The following SGCG variants were observed in gnomAD, a reference collection of about 807,000 sequenced individuals.
The protein encoded by SGCG is sarcoglycan gamma, also known as gamma-sarcoglycan.
Under a neutral mutation model 29.3 loss-of-function variants are expected in SGCG, and 26 were observed. The ratio of observed to expected loss-of-function variants is 0.89; its 90% CI spans 0.65 to 1.23. The LOEUF (loss-of-function observed/expected upper bound fraction) is 1.23, where lower values mean the gene tolerates loss of function less well. Ranked by LOEUF, SGCG falls within the 50% of genes most tolerant of loss-of-function variation. The probability of loss-of-function intolerance (pLI) is 0.00; values close to 1 mark genes in which losing one functional copy is unlikely to be tolerated. For synonymous variants in SGCG, 145 were observed against 129.7 expected, an observed-to-expected ratio of 1.12 and a Z score of -0.80; for missense variants, 353 against 356.0, an observed-to-expected ratio of 0.99 and a Z score of 0.07.
chr13:23,188,905 C>T (rs1027458331), intron 1 of SGCG, among the ~76,000 whole-genome samples: 1 of 152,186 alleles, frequency 6.6e-6, no homozygotes, highest in African/African-American at 2.4e-5. Context: ...CCCGGCACAG[C>T]AGCTGTGCAG....
intron 1 of SGCG, among the ~76,000 whole-genome samples, chr13:23,201,907 A>G (rs780605251): frequency 6.6e-6 from 1 of 152,134 alleles, no homozygotes; most frequent in Non-Finnish European, 1.5e-5. Context: ...TGGAGCCATT[A>G]TTTCAAATGA....
chr13:23,291,063 A>G (rs752014334), intron 5 of SGCG, among the ~76,000 whole-genome samples: 5 of 152,220 alleles, frequency 3.3e-5, no homozygotes, highest in Non-Finnish European at 7.3e-5. Context: ...AGGATCCAGA[A>G]GGGAAGAATG....
intron 1 of SGCG, among the ~76,000 whole-genome samples, chr13:23,188,476 C>A (rs938946612): frequency 7.5e-6 from 1 of 133,302 alleles, no homozygotes; most frequent in Non-Finnish European, 1.6e-5. Context: ...CAGGCGCCTG[C>A]CTAATTTTTT....
At position 23,203,889 on chromosome 13, in the gene SGCG, A is replaced by G; in HGVS notation, c.195A>G (p.Pro65=). The G allele has an allele frequency of 1.3e-6, 2 of 1,593,088 alleles. No individual in the cohort carries two copies. Among genetic ancestry groups the G allele is most frequent in the Non-Finnish European group, 1.7e-6 (2 of 1,160,926 alleles). ...IWILKVMWFS[P]AGMGHLCVTK... is the part of the protein sequence containing the mutation. ...TTCTTAAAGTGATGTGGTTTTCTCCAGTAAGTATCATTATTTTCTGGTAAG... is the reference window on the plus strand; with the variant it reads ...TTCTTAAAGTGATGTGGTTTTCTCCGGTAAGTATCATTATTTTCTGGTAAG... The change falls in exon 2 of 8, where the codon CCA becomes CCG. Residue 65 remains proline (P), a splice_region_variant and synonymous_variant. Transcript: ENST00000218867.
chr13:23,254,484 A>G lies in SGCG; in HGVS notation c.385+3767A>G, dbSNP rs571525033. 4.6e-5 allele frequency among the ~76,000 whole-genome samples: 7 copies of G among 152,266 alleles called. No individual in the cohort carries two copies. In the South Asian group the frequency reaches 1.2e-3, roughly 27 times the overall value. The stretch of plus-strand genomic sequence containing the variant: ...GCAGTCTGGCTGCTTCTAATAACCT[A>G]CAATCAGATATAAGAGCAAAAAAAA... On this transcript the variant is annotated intron_variant, in intron 4 of 7. Coordinates refer to ENST00000218867, the MANE Select transcript of SGCG (RefSeq NM_000231.3).
At chr13:23,225,780 T>TACACACATACACAC (rs1878870099) in intron 2 of SGCG, among the ~76,000 whole-genome samples, 1 of 148,546 alleles carries the variant, frequency 6.7e-6, no homozygotes, top group Admixed American at 6.7e-5. Flanking sequence ...GGACATGTCA[T>TACACACATACACAC]ACACACACAC....
intron 4 of SGCG, among the ~76,000 whole-genome samples, chr13:23,272,596 T>A (rs4770422): frequency 0.085 from 12,934 of 152,224 alleles, 722 homozygotes; most frequent in South Asian, 0.15. Flanking sequence ...TACTAGCTTA[T>A]AGTATTTTTT....
chr13:23,297,235 T>TTATTTA (rs5802227), intron 6 of SGCG, among the ~76,000 whole-genome samples: 1 of 151,378 alleles, frequency 6.6e-6, no homozygotes, highest in Non-Finnish European at 1.5e-5. Context: ...CTTTTATTTT[T>TTATTTA]TTTTTTTTTG....
intron 2 of SGCG, among the ~76,000 whole-genome samples, chr13:23,215,219 T>C (rs932469176): frequency 3.3e-5 from 5 of 152,186 alleles, no homozygotes; most frequent in Non-Finnish European, 5.9e-5. Context: ...CAGGGAATAT[T>C]CTTATAACAA....
chr13:23,222,742 C>T (rs1239815342), intron 2 of SGCG, among the ~76,000 whole-genome samples: 2 of 152,130 alleles, frequency 1.3e-5, no homozygotes, highest in African/African-American at 2.4e-5. Flanking sequence ...GCATAAGACT[C>T]GCTTGAACCC....
chr13:23,216,308 G>C (rs1878426207), intron 2 of SGCG, among the ~76,000 whole-genome samples: 1 of 151,986 alleles, frequency 6.6e-6, no homozygotes, highest in Non-Finnish European at 1.5e-5. Context: ...TGAATCCTGA[G>C]CCATATCACA....
At chr13:23,173,924 T>G in the SGCG span, among the ~76,000 whole-genome samples, 1 of 152,178 alleles carries the variant, frequency 6.6e-6, no homozygotes, top group Non-Finnish European at 1.5e-5. Flanking sequence ...TAGGACAGAA[T>G]TACGTCTCTG....
At chr13:23,270,126 G>A (rs1161538264) in intron 4 of SGCG, among the ~76,000 whole-genome samples, 2 of 152,004 alleles carry the variant, frequency 1.3e-5, no homozygotes, top group South Asian at 2.1e-4. Context: ...CACCCGCCTC[G>A]GCCTCCCAAA....
intron 3 of SGCG, chr13:23,246,056 C>T (rs1879697760): frequency 6.4e-6 from 1 of 155,672 alleles, no homozygotes; most frequent in Non-Finnish European, 1.4e-5. Flanking sequence ...AGCAGTAACA[C>T]ATTCCAGGCT....
intron 1 of SGCG, among the ~76,000 whole-genome samples, chr13:23,189,081 T>C (rs1048927647): frequency 6.6e-6 from 1 of 152,166 alleles, no homozygotes; most frequent in African/African-American, 2.4e-5. Flanking sequence ...TGACGGGCGG[T>C]CATCCCCCGT....
Position 23,218,870 on chromosome 13 carries a change from G to A in SGCG, c.195+14981G>A, listed in dbSNP as rs73168656. 8.5e-3 allele frequency among the ~76,000 whole-genome samples: 1,267 copies of A among 149,698 alleles called. 11 individuals are homozygous for A. Among genetic ancestry groups the A allele is most frequent in the Middle Eastern group, 0.018 (5 of 282 alleles). Reference sequence around the variant, plus strand: ...GAAAATTATTGTTTTTTGATATTGAGAATTCTATGGTGGGAAAATTATGAG... The same window carrying A: ...GAAAATTATTGTTTTTTGATATTGAAAATTCTATGGTGGGAAAATTATGAG... On this transcript the variant is annotated intron_variant, in intron 2 of 7. Coordinates refer to ENST00000218867, the MANE Select transcript of SGCG (RefSeq NM_000231.3).
At chr13:23,249,796 A>G (rs1879891376) in intron 3 of SGCG, among the ~76,000 whole-genome samples, 1 of 152,216 alleles carries the variant, frequency 6.6e-6, no homozygotes. Flanking sequence ...AAATGTTTTT[A>G]GTAAATTTTA....
intron 2 of SGCG, among the ~76,000 whole-genome samples, chr13:23,211,711 C>G (rs1167940995): frequency 6.6e-6 from 1 of 152,220 alleles, no homozygotes; most frequent in African/African-American, 2.4e-5. Context: ...ACAGTTACCT[C>G]TGCAGTCTTG....
chr13:23,199,801 A>G (rs1034940284), intron 1 of SGCG, among the ~76,000 whole-genome samples: 18 of 152,194 alleles, frequency 1.2e-4, no homozygotes, highest in African/African-American at 4.3e-4. Context: ...AAAGCAGGTC[A>G]CCAGCTTCCG....
Sources: gnomAD v4.1 joint callset for allele counts (sites outside exome capture counted in the v4.1 genomes callset) on GRCh38, gnomAD v4.1.1 for gene constraint, MANE v1.5 for transcripts, NCBI Gene and HGNC (gene_info 2026-07-23, HGNC 2026-07-21) for gene names.